AAK1: variants seen among roughly 807,000 people sequenced by gnomAD.
AAK1 encodes AP2-associated protein kinase 1.
A neutral mutation model predicts 116.0 loss-of-function variants in AAK1; 37 were observed. That is an observed-to-expected ratio of 0.32 (90% CI 0.25 to 0.42). AAK1 has a LOEUF of 0.42. AAK1 is among the 10% of genes least tolerant of loss of function. The pLI, the probability that AAK1 is intolerant of heterozygous loss-of-function variation, is 1.00. For synonymous variants in AAK1, 458 were observed against 439.9 expected (o/e 1.04, Z -0.51); for missense variants, 919 against 1,170.6 (o/e 0.79, Z 3.14).
At chr2:69,589,565 C>T (rs527479307) in intron 2 of AAK1, among the ~76,000 whole-genome samples, 21 of 152,048 alleles carry the variant, frequency 1.4e-4, no homozygotes, top group African/African-American at 2.4e-5. Context: ...AAAAATTAGC[C>T]GGGCTTGATG....
intron 17 of AAK1, among the ~76,000 whole-genome samples, chr2:69,494,833 T>C (rs1402354628): frequency 6.6e-6 from 1 of 152,192 alleles, no homozygotes; most frequent in Non-Finnish European, 1.5e-5. Flanking sequence ...CAGTACTACC[T>C]GATCAAGGCA....
chr2:69,572,958 G>C (rs1253160446), intron 2 of AAK1, among the ~76,000 whole-genome samples: 1 of 152,154 alleles, frequency 6.6e-6, no homozygotes, highest in Non-Finnish European at 1.5e-5. Context: ...TAAGCTCCAG[G>C]GATGGCCGAC....
intron 2 of AAK1, among the ~76,000 whole-genome samples, chr2:69,557,245 A>T (rs1209984779): frequency 6.6e-6 from 1 of 152,062 alleles, no homozygotes; most frequent in Non-Finnish European, 1.5e-5. Context: ...TTTCCAAATA[A>T]CCTACAAATA....
At chr2:69,559,979 A>G (rs1671564076) in intron 2 of AAK1, among the ~76,000 whole-genome samples, 1 of 152,196 alleles carries the variant, frequency 6.6e-6, no homozygotes, top group South Asian at 2.1e-4. Context: ...AGTAAGCACA[A>G]TGGCTGACAA....
chr2:69,575,194 C>A (rs1180024838), intron 2 of AAK1, among the ~76,000 whole-genome samples: 2 of 151,770 alleles, frequency 1.3e-5, no homozygotes, highest in Non-Finnish European at 2.9e-5. Flanking sequence ...AACCTGTCCT[C>A]CAAACTTGAG....
intron 2 of AAK1, chr2:69,594,795 C>T: frequency 4.0e-6 from 5 of 1,253,442 alleles, no homozygotes; most frequent in East Asian, 2.3e-5. Flanking sequence ...GTTCAGAATG[C>T]TTGCCTCTTT....
chr2:69,508,503 T>C (rs1002632593), intron 14 of AAK1, among the ~76,000 whole-genome samples: 12 of 152,248 alleles, frequency 7.9e-5, no homozygotes, highest in African/African-American at 2.9e-4. Flanking sequence ...CAAAATCTAC[T>C]TGTCAGGCAC....
chr2:69,638,697 C>T (rs1675559992), intron 2 of AAK1, among the ~76,000 whole-genome samples: 1 of 152,212 alleles, frequency 6.6e-6, no homozygotes, highest in African/African-American at 2.4e-5. Flanking sequence ...ACTATTCTCT[C>T]AGCCTGAGAG....
chr2:69,495,099 T>C (rs1041126732), intron 17 of AAK1, among the ~76,000 whole-genome samples: 1 of 151,862 alleles, frequency 6.6e-6, no homozygotes, highest in East Asian at 1.9e-4. Context: ...AAAGGAAAAA[T>C]GATCAGAAGC....
chr2:69,599,943 A>G (rs1673488157), intron 2 of AAK1, among the ~76,000 whole-genome samples: 1 of 146,388 alleles, frequency 6.8e-6, no homozygotes, highest in Non-Finnish European at 1.5e-5. Context: ...ATATCCAGCT[A>G]ATTTTTTTTT....
chr2:69,552,191 T>C (rs558735021), intron 3 of AAK1, among the ~76,000 whole-genome samples: 2 of 152,294 alleles, frequency 1.3e-5, no homozygotes, highest in South Asian at 4.1e-4. Flanking sequence ...TTAAAACTTA[T>C]TTAGCTACAG....
rs1674333983 is a variant in AAK1 at position 69,461,226 on chromosome 2, T to C, written c.*14643A>G. On this transcript the variant is annotated 3_prime_UTR_variant, in exon 22 of 22. Coordinates refer to ENST00000409085, the MANE Select transcript of AAK1 (RefSeq NM_014911.5). Reference sequence around the variant, plus strand: ...TACAGTAACATGCTGTACAGGTTTGTAGCCCAGGAGCAACAGGCTGGACCA... The same window carrying C: ...TACAGTAACATGCTGTACAGGTTTGCAGCCCAGGAGCAACAGGCTGGACCA... 1 of 159,442 alleles carries C rather than the reference T, an allele frequency of 6.3e-6. No individual in the cohort carries two copies. The highest frequency in any genetic ancestry group is 1.4e-5 in the Non-Finnish European group (1 of 72,664). The allele number at this position is 159,442 out of a possible 1,614,324, so 9.9% of individuals were successfully genotyped here.
rs1558874050 is a variant in AAK1 at position 69,458,104 on chromosome 2, A to G, written c.*17765T>C. 6.6e-6 allele frequency: 1 copy of G among 152,208 alleles called. No homozygotes were observed. The highest frequency in any genetic ancestry group is 6.5e-5 in the Admixed American group (1 of 15,284). 9.4% of individuals were successfully genotyped at this position (152,208 alleles called of 1,614,324 possible). A position where few individuals can be genotyped will look rare whatever the true frequency, so the allele number is the denominator to read the frequency against. On this transcript the variant is annotated 3_prime_UTR_variant, in exon 22 of 22. Transcript: ENST00000409085. ...TAAATCACACCGAGAGTGCAATAAC[A>G]TAAATCCAATGGTCTGCAAATAAGA...
chr2:69,473,598 G>C lies in AAK1; in HGVS notation c.*2271C>G, dbSNP rs533920125. On this transcript the variant is annotated 3_prime_UTR_variant, in exon 22 of 22. Coordinates refer to ENST00000409085, the MANE Select transcript of AAK1 (RefSeq NM_014911.5). ...TAAGCTTTACTGAGCCAAATGACTA[G>C]ATAATATATTTCAATGTAATTATGG... is the stretch of plus-strand genomic sequence containing the variant. 6.9e-4 allele frequency: 679 copies of C among 984,992 alleles called. No individual in the cohort carries two copies. Among genetic ancestry groups the C allele is most frequent in the South Asian group, 1.2e-3 (26 of 21,274 alleles). The allele number at this position is 984,992 out of a possible 1,614,324, so 61.0% of individuals were successfully genotyped here. A position where few individuals can be genotyped will look rare whatever the true frequency, so the allele number is the denominator to read the frequency against.
chr2:69,537,446 G>A (rs1670522608), intron 5 of AAK1, among the ~76,000 whole-genome samples: 1 of 152,218 alleles, frequency 6.6e-6, no homozygotes, highest in African/African-American at 2.4e-5. Context: ...AGACCCACAG[G>A]CAGAGTGGCG....
intron 12 of AAK1, among the ~76,000 whole-genome samples, chr2:69,518,102 A>G (rs1676657218): frequency 6.6e-6 from 1 of 152,236 alleles, no homozygotes; most frequent in South Asian, 2.1e-4. Context: ...AGCCTGGGAA[A>G]CAGAGCAAGA....
At chr2:69,499,041 C>T (rs1391678696) in intron 16 of AAK1, among the ~76,000 whole-genome samples, 5 of 152,200 alleles carry the variant, frequency 3.3e-5, no homozygotes, top group African/African-American at 7.2e-5. Context: ...ATGTCCTACC[C>T]AGTGGCCGGT....
In AAK1 at chr2:69,471,016, C is replaced by G. The variant is rs1216030588; in HGVS notation, c.*4853G>C. 3.0e-5 allele frequency: 30 copies of G among 985,666 alleles called. No individual in the cohort carries two copies. In the South Asian group the frequency reaches 6.6e-4, roughly 22 times the overall value. The allele number at this position is 985,666 out of a possible 1,614,324, so 61.1% of individuals were successfully genotyped here. ...TATACAATACTTGTGCAGCAATGTT[C>G]AAATTTCACGTTTTTACTGCATAAG... is the stretch of plus-strand genomic sequence containing the variant. On this transcript the variant is annotated 3_prime_UTR_variant, in exon 22 of 22. Transcript: ENST00000409085.
intron 2 of AAK1, among the ~76,000 whole-genome samples, chr2:69,607,406 A>G (rs767014159): frequency 1.3e-4 from 20 of 152,182 alleles, no homozygotes; most frequent in Non-Finnish European, 2.6e-4. Context: ...AAGAAACAGG[A>G]AAGACTTTGC....
Sources: gnomAD v4.1 joint callset for allele counts (sites outside exome capture counted in the v4.1 genomes callset) on GRCh38, gnomAD v4.1.1 for gene constraint, MANE v1.5 for transcripts, NCBI Gene and HGNC (gene_info 2026-07-23, HGNC 2026-07-21) for gene names.